ZC4H2: variants seen among roughly 807,000 people sequenced by gnomAD.
ZC4H2 encodes zinc finger C4H2 domain-containing protein.
For missense variants in ZC4H2, 137 were observed against 173.9 expected (o/e 0.79, Z 1.19); for synonymous variants, 84 against 66.3 (o/e 1.27, Z -1.30).
At chrX:64,992,653 T>G (rs771422696) in intron 1 of ZC4H2, among the ~76,000 whole-genome samples, 8 of 111,557 alleles carry the variant, frequency 7.2e-5, no homozygotes, top group African/African-American at 2.6e-4. Context: ...GTGCCCAGTC[T>G]TCAGGGCTAG....
intron 2 of ZC4H2, among the ~76,000 whole-genome samples, chrX:64,920,750 G>C (rs768955542): frequency 8.9e-6 from 1 of 112,217 alleles, no homozygotes; most frequent in African/African-American, 3.2e-5. Context: ...TTCTCAAAAT[G>C]TGGCCAAGGG....
upstream of ZC4H2, among the ~76,000 whole-genome samples, chrX:64,976,991 G>A (rs1931970806): frequency 9.0e-6 from 1 of 110,730 alleles, no homozygotes; most frequent in South Asian, 3.9e-4. Flanking sequence ...GGGGAAAGGA[G>A]AGTGGGTAAG....
intron 1 of ZC4H2, among the ~76,000 whole-genome samples, chrX:64,991,404 T>C (rs1932305234): frequency 9.0e-6 from 1 of 111,608 alleles, no homozygotes; most frequent in Non-Finnish European, 1.9e-5. Flanking sequence ...TTCTATTTTT[T>C]AAGAACCCTG....
chrX:64,958,625 C>T (rs1228422533), intron 1 of ZC4H2, among the ~76,000 whole-genome samples: 1 of 111,189 alleles, frequency 9.0e-6, no homozygotes, highest in Non-Finnish European at 1.9e-5. Context: ...AGCCTTGTAC[C>T]TGTCTCAGTA....
At chrX:65,005,155 C>T (rs1451821037) in intron 1 of ZC4H2, among the ~76,000 whole-genome samples, 1 of 111,727 alleles carries the variant, frequency 9.0e-6, no homozygotes, top group Non-Finnish European at 1.9e-5. Context: ...GGCCATACTG[C>T]CCGAAGTTAT....
intron 1 of ZC4H2, among the ~76,000 whole-genome samples, chrX:64,942,778 C>G (rs1021828057): frequency 2.7e-5 from 3 of 111,975 alleles, no homozygotes; most frequent in African/African-American, 9.7e-5. Flanking sequence ...GTGAATACTG[C>G]TGCAATAAGC....
chrX:65,024,793 GA>G (rs1351686049), intron 1 of ZC4H2, among the ~76,000 whole-genome samples: 3 of 111,765 alleles, frequency 2.7e-5, no homozygotes, highest in Non-Finnish European at 3.8e-5. Context: ...TGCAGAAACA[GA>G]AAACCAAATA....
At position 65,023,124 on chromosome X, in the gene ZC4H2, A is replaced by C. The variant is rs759021690; in HGVS notation, c.-272+11505T>G. On this transcript the variant is annotated intron_variant, in intron 1 of 4. Coordinates refer to the ZC4H2 transcript ENST00000337990. ...TCCAGTTTTGTTATTTGTGCTTAGG[A>C]CTGTCTTGGCTATGAGGGCTCTTTT... 3.6e-5 allele frequency among the ~76,000 whole-genome samples: 4 copies of C among 111,406 alleles called. No individual in the cohort carries two copies. In the South Asian group the frequency reaches 1.5e-3, roughly 42 times the overall value.
intron 2 of ZC4H2, among the ~76,000 whole-genome samples, chrX:64,921,085 G>T (rs999525388): frequency 8.9e-6 from 1 of 112,448 alleles, no homozygotes; most frequent in African/African-American, 3.2e-5. Flanking sequence ...TTTCCTTTAT[G>T]ATCCTAGGTC....
At chrX:64,993,166 T>C (rs1932343559) in intron 1 of ZC4H2, among the ~76,000 whole-genome samples, 1 of 112,229 alleles carries the variant, frequency 8.9e-6, no homozygotes, top group African/African-American at 3.2e-5. Context: ...CGTGCAACAT[T>C]TCAGACATAT....
At chrX:64,952,214 T>C (rs1602412668) in intron 1 of ZC4H2, among the ~76,000 whole-genome samples, 2 of 110,572 alleles carry the variant, frequency 1.8e-5, no homozygotes, top group African/African-American at 6.7e-5. Flanking sequence ...CCTTGAAGTA[T>C]AGTTTGAAGT....
intron 1 of ZC4H2, among the ~76,000 whole-genome samples, chrX:65,000,627 A>C (rs1450183640): frequency 1.8e-5 from 2 of 112,026 alleles, no homozygotes; most frequent in Non-Finnish European, 3.8e-5. Context: ...GTGGGTAACA[A>C]CAAATTCCTC....
At chrX:65,007,199 G>A (rs906373909) in intron 1 of ZC4H2, among the ~76,000 whole-genome samples, 1 of 111,468 alleles carries the variant, frequency 9.0e-6, no homozygotes, top group Non-Finnish European at 1.9e-5. Context: ...TCTTTCTGAG[G>A]GATAGTTTCT....
At chrX:64,999,867 T>G (rs2147278564) in intron 1 of ZC4H2, among the ~76,000 whole-genome samples, 1 of 112,145 alleles carries the variant, frequency 8.9e-6, no homozygotes, top group East Asian at 2.8e-4. Context: ...TGACAAAGCC[T>G]CCGTAGCAAG....
chrX:64,978,787 T>C (rs1468582631), upstream of ZC4H2, among the ~76,000 whole-genome samples: 1 of 110,507 alleles, frequency 9.0e-6, no homozygotes, highest in African/African-American at 3.3e-5. Flanking sequence ...GGGTCCCGAG[T>C]GTATGTATCT....
intron 1 of ZC4H2, among the ~76,000 whole-genome samples, chrX:64,935,975 T>G (rs948844124): frequency 4.5e-5 from 5 of 110,314 alleles, no homozygotes; most frequent in Non-Finnish European, 9.5e-5. Flanking sequence ...CAAACTCCTC[T>G]GAGCTAAAGG....
At chrX:64,970,519 G>GGGAAGGAA (rs1301958896) in intron 1 of ZC4H2, among the ~76,000 whole-genome samples, 2 of 107,563 alleles carry the variant, frequency 1.9e-5, no homozygotes, top group Non-Finnish European at 3.9e-5. Flanking sequence ...GGAGGGAGGG[G>GGGAAGGAA]GGAAGGAAGG....
At chrX:64,946,298 G>C (rs759247942) in intron 1 of ZC4H2, among the ~76,000 whole-genome samples, 2 of 111,334 alleles carry the variant, frequency 1.8e-5, no homozygotes, top group African/African-American at 6.5e-5. Context: ...TAAGAAAAGC[G>C]TAGTATCTGG....
At chrX:64,962,437 G>T (rs970600667) in intron 1 of ZC4H2, among the ~76,000 whole-genome samples, 1 of 111,228 alleles carries the variant, frequency 9.0e-6, no homozygotes, top group African/African-American at 3.3e-5. Flanking sequence ...TATATGAAAA[G>T]CCCACAGCTA....
Sources: allele counts gnomAD v4.1 joint callset (sites outside exome capture counted in the v4.1 genomes callset), GRCh38; gene constraint gnomAD v4.1.1; transcripts MANE v1.5; gene names NCBI Gene and HGNC (gene_info 2026-07-23, HGNC 2026-07-21).